Variants in NFE2L2 observed in about 807,000 individuals in gnomAD.
The protein encoded by NFE2L2 is NFE2 like bZIP transcription factor 2, also known as nuclear factor erythroid 2-related factor 2.
A neutral mutation model predicts 49.6 loss-of-function variants in NFE2L2; 20 were observed. The ratio of observed to expected loss-of-function variants is 0.40; its 90% CI spans 0.28 to 0.59. The LOEUF is 0.59. Among genes scored for constraint, NFE2L2 ranks in the 20% least tolerant of loss-of-function variants. The pLI, the probability that NFE2L2 is intolerant of heterozygous loss-of-function variation, is 0.40. For missense variants in NFE2L2, 578 were observed against 714.2 expected, an observed-to-expected ratio of 0.81 and a Z score of 2.17; for synonymous variants, 244 against 256.5, an observed-to-expected ratio of 0.95 and a Z score of 0.47.
At chr2:177,235,829 C>A (rs1185576070) in intron 1 of NFE2L2, among the ~76,000 whole-genome samples, 2 of 152,088 alleles carry the variant, frequency 1.3e-5, no homozygotes, top group Admixed American at 6.5e-5. Flanking sequence ...TTCACACACA[C>A]AAAAAGATAC....
intron 1 of NFE2L2, among the ~76,000 whole-genome samples, chr2:177,239,633 T>C (rs1689875115): frequency 6.6e-6 from 1 of 152,104 alleles, no homozygotes; most frequent in Non-Finnish European, 1.5e-5. Flanking sequence ...GCCAAGATCG[T>C]GCCACTGCAC....
rs779519592 is a variant in NFE2L2, at chr2:177,231,555, T to G, written c.1048A>C (p.Thr350Pro). 1.2e-5 allele frequency: 19 copies of G among 1,614,076 alleles called. No homozygotes were observed. Among genetic ancestry groups the G allele is most frequent in the Non-Finnish European group, 1.4e-5 (16 of 1,180,034 alleles). ...TCTGGTGATGCCACACTGGGACTTG[T>G]GTTTAGTGAAATGCCGGAGTCAGAA... ...NDSDSGISLN[T>P]SPSVASPEHS... Residue 350 changes from threonine (T) to proline (P), a missense_variant, in exon 5 of 5, where the codon ACA becomes CCA. Physicochemically the swap from Thr to Pro is conservative, Grantham distance 38. Around this residue, in one of 3 missense-constraint regions of NFE2L2, gnomAD observed 368 missense variants for 384.6 expected, o/e 0.96. Coordinates refer to ENST00000397062, the MANE Select transcript of NFE2L2 (RefSeq NM_006164.5).
intron 1 of NFE2L2, among the ~76,000 whole-genome samples, chr2:177,239,571 G>A (rs1166709303): frequency 6.6e-6 from 1 of 152,120 alleles, no homozygotes; most frequent in Non-Finnish European, 1.5e-5. Flanking sequence ...CAGCTACGTG[G>A]GGGACTAAGG....
chr2:177,232,521 G>C lies in NFE2L2; in HGVS notation c.465C>G (p.Val155=). Residue 155 remains valine (V), a synonymous_variant, in exon 4 of 5, where the codon GTC becomes GTG. Transcript: ENST00000397062. The stretch of plus-strand genomic sequence containing the variant: ...ACTGAGCCTGATTAGTAGCAATGAA[G>C]ACTGGGCTCTCGATGTGACCGGGAA... ...PDIPGHIESP[V]FIATNQAQSP... 6.2e-7 allele frequency: 1 copy of C among 1,614,126 alleles called. No homozygotes were observed. The highest frequency in any genetic ancestry group is 8.5e-7 in the Non-Finnish European group (1 of 1,179,982).
intron 1 of NFE2L2, among the ~76,000 whole-genome samples, chr2:177,250,211 T>C (rs944956908): frequency 1.3e-5 from 2 of 152,222 alleles, no homozygotes; most frequent in African/African-American, 4.8e-5. Context: ...ATTACCATGA[T>C]TATTGCAAAG....
At position 177,245,241 on chromosome 2, in the gene NFE2L2, G is replaced by A. The variant is rs373013655; in HGVS notation, c.46-10970C>T. Among the ~76,000 whole-genome samples, 112 of 152,072 alleles carry A rather than the reference G, an allele frequency of 7.4e-4. 1 individual carries two copies. The highest frequency in any genetic ancestry group is 2.6e-3 in the African/African-American group (109 of 41,462). On this transcript the variant is annotated intron_variant, in intron 1 of 4. Coordinates refer to ENST00000397062, the MANE Select transcript of NFE2L2 (RefSeq NM_006164.5). ...ATTACTGTTAATGCCACACTGTCAC[G>A]GAACGCTACAACTGGAAGGGACCAC... is the stretch of plus-strand genomic sequence containing the variant.
In NFE2L2 at chr2:177,246,599, C is replaced by CTT. The variant is rs375027598; in HGVS notation, c.46-12330_46-12329dup. ...ACAGAGTTGTAAGTTGTCCCTTTTT[C>CTT]TTTTTTTTCTTTTTTTCTAAGATAG... On this transcript the variant is annotated intron_variant, in intron 1 of 4. Transcript: ENST00000397062. Among the ~76,000 whole-genome samples, 410 of 141,416 alleles carry CTT rather than the reference C, an allele frequency of 2.9e-3. 11 individuals carry two copies. The East Asian group carries it at 0.043, about 15-fold the overall frequency. The allele number at this position is 141,416 out of a possible 152,430, so 92.8% of individuals were successfully genotyped here.
At chr2:177,243,790 C>T (rs990639973) in intron 1 of NFE2L2, among the ~76,000 whole-genome samples, 1 of 152,144 alleles carries the variant, frequency 6.6e-6, no homozygotes, top group African/African-American at 2.4e-5. Flanking sequence ...CAGGCATGAA[C>T]CACTGTGCCT....
intron 1 of NFE2L2, among the ~76,000 whole-genome samples, chr2:177,243,760 C>T (rs1344003954): frequency 2.0e-5 from 3 of 152,162 alleles, no homozygotes; most frequent in African/African-American, 4.8e-5. Flanking sequence ...CTGCCTTGGT[C>T]TCCCAAAGTG....
intron 1 of NFE2L2, among the ~76,000 whole-genome samples, chr2:177,259,896 C>A (rs377365115): frequency 2.0e-5 from 3 of 152,044 alleles, no homozygotes; most frequent in African/African-American, 4.8e-5. Context: ...CATGCCACTG[C>A]ACTCCAGCCT....
At chr2:177,234,557 C>T (rs575331863) in intron 1 of NFE2L2, among the ~76,000 whole-genome samples, 1 of 152,164 alleles carries the variant, frequency 6.6e-6, no homozygotes, top group African/African-American at 2.4e-5. Flanking sequence ...AGGGCAAAGT[C>T]ACAAATGGTT....
Position 177,264,633 on chromosome 2 carries a change from G to A in NFE2L2, c.-57C>T. On this transcript the variant is annotated 5_prime_UTR_variant, in exon 1 of 5. Transcript: ENST00000397062. ...CGACGGCGGCCCTGTTCCGGCTGCC[G>A]AGGCGCGGCGCGGACAGGGCGGCTC... 5.8e-6 allele frequency: 8 copies of A among 1,390,302 alleles called. No individual in the cohort carries two copies. The highest frequency in any genetic ancestry group is 1.6e-5 in the South Asian group (1 of 61,492). The allele number at this position is 1,390,302 out of a possible 1,614,324, so 86.1% of individuals were successfully genotyped here. A position where few individuals can be genotyped will look rare whatever the true frequency, so the allele number is the denominator to read the frequency against.
In NFE2L2 at chr2:177,231,986, T is replaced by C; in HGVS notation, c.617A>G (p.Lys206Arg). The change falls in exon 5 of 5, where the codon AAG (lysine) becomes AGG (arginine). Residue 206 changes from lysine (K) to arginine (R), a missense_variant. This residue lies in a region of NFE2L2 where 368 missense variants were observed against 384.6 expected (regional missense o/e 0.96). Transcript: ENST00000397062. Reference protein sequence around the residue: ...ELQCLNIENDKLVETTMVPSP... With the variant: ...ELQCLNIENDRLVETTMVPSP... ...TGGAACCATGGTAGTCTCAACCAGC[T>C]TGTCATTTTCAATATTAAGACACTG... 1 of 1,609,312 alleles carries C rather than the reference T, an allele frequency of 6.2e-7. No homozygotes were observed. Among genetic ancestry groups the C allele is most frequent in the Non-Finnish European group, 8.5e-7 (1 of 1,177,662 alleles).
intron 1 of NFE2L2, among the ~76,000 whole-genome samples, chr2:177,249,857 C>T (rs1041163860): frequency 7.2e-5 from 11 of 152,058 alleles, no homozygotes; most frequent in African/African-American, 2.4e-4. Flanking sequence ...CAAAATTTAA[C>T]GAAATTAAAA....
chr2:177,233,352 A>C lies in NFE2L2; in HGVS notation c.313-13T>G, dbSNP rs1689627405. ...GAATGTGGGCAACCTGATAAAAGGG[A>C]ATGACACAAAGGAAAACAAAAATGG... On this transcript the variant is annotated splice_polypyrimidine_tract_variant and intron_variant, in intron 2 of 4. Coordinates refer to ENST00000397062, the MANE Select transcript of NFE2L2 (RefSeq NM_006164.5). 6.2e-7 allele frequency: 1 copy of C among 1,602,836 alleles called. No individual in the cohort carries two copies. Among genetic ancestry groups the C allele is most frequent in the Non-Finnish European group, 8.5e-7 (1 of 1,174,026 alleles).
rs199878061 is a variant in NFE2L2, at chr2:177,238,275, ATCT to A, written c.46-4007_46-4005del. ...AACTGAAGCAATTTAGGTTGCAAACATCTTCTGCTCATAAATCTGACTTGCAAA... is the reference window on the plus strand; with the variant it reads ...AACTGAAGCAATTTAGGTTGCAAACATCTGCTCATAAATCTGACTTGCAAA... On this transcript the variant is annotated intron_variant, in intron 1 of 4. Coordinates refer to ENST00000397062, the MANE Select transcript of NFE2L2 (RefSeq NM_006164.5). 2.9e-3 allele frequency among the ~76,000 whole-genome samples: 437 copies of A among 152,312 alleles called. 7 individuals carry two copies. In the East Asian group the frequency reaches 0.044, roughly 15 times the overall value.
At chr2:177,248,470 C>T (rs1574274137) in intron 1 of NFE2L2, among the ~76,000 whole-genome samples, 1 of 152,154 alleles carries the variant, frequency 6.6e-6, no homozygotes, top group South Asian at 2.1e-4. Flanking sequence ...AGTGCAATGG[C>T]GTGATCTCAG....
chr2:177,235,864 G>A (rs1210944630), intron 1 of NFE2L2, among the ~76,000 whole-genome samples: 1 of 152,160 alleles, frequency 6.6e-6, no homozygotes, highest in African/African-American at 2.4e-5. Context: ...TATATGACTA[G>A]GCTAGGCATA....
chr2:177,249,346 A>G (rs1690252620), intron 1 of NFE2L2, among the ~76,000 whole-genome samples: 1 of 152,220 alleles, frequency 6.6e-6, no homozygotes, highest in African/African-American at 2.4e-5. Context: ...AAGGCTATAA[A>G]GCCACTGGGA....
Sources: gnomAD v4.1 joint callset for allele counts (sites outside exome capture counted in the v4.1 genomes callset) on GRCh38, gnomAD v4.1.1 for gene constraint, gnomAD v4.1.1 regional missense constraint, MANE v1.5 for transcripts, NCBI Gene and HGNC (gene_info 2026-07-23, HGNC 2026-07-21) for gene names.